The following ANKRD6 variants were observed in gnomAD, a reference collection of about 807,000 sequenced individuals.
ANKRD6 encodes ankyrin repeat domain 6.
ANKRD6 carries 56 observed loss-of-function variants against 82.3 expected under a neutral mutation model. The ratio of observed to expected loss-of-function variants is 0.68; its 90% CI spans 0.55 to 0.85. The LOEUF is 0.85. Ranked by LOEUF, ANKRD6 falls within the 40% of genes least tolerant of loss-of-function variation. The probability of loss-of-function intolerance (pLI) is 0.00; values close to 1 mark genes in which losing one functional copy is unlikely to be tolerated. For missense variants in ANKRD6, 852 were observed against 907.6 expected, an observed-to-expected ratio of 0.94 and a Z score of 0.79; for synonymous variants, 347 against 352.1, an observed-to-expected ratio of 0.99 and a Z score of 0.16.
chr6:89,616,631 G>A lies in ANKRD6; in HGVS notation c.688G>A (p.Gly230Arg), dbSNP rs373352243. ...KKVAKILLEA[G>R]ADTTIVNNAG... ...GGTGGCCAAAATCTTACTGGAAGCC[G>A]GAGCAGATACGACCATTGTTAACAA... Residue 230 changes from glycine to arginine, a missense_variant, in exon 8 of 16, where the codon GGA (glycine) becomes AGA (arginine). Physicochemically the swap from Gly to Arg is moderately radical, Grantham distance 125. Transcript: ENST00000339746. 1.6e-5 allele frequency: 26 copies of A among 1,613,924 alleles called. No homozygotes were observed. Among genetic ancestry groups the A allele is most frequent in the African/African-American group, 1.1e-4 (8 of 74,940 alleles).
chr6:89,561,017 T>G (rs991701705), intron 1 of ANKRD6: 1 of 152,184 alleles, frequency 6.6e-6, no homozygotes, highest in Non-Finnish European at 1.5e-5. Flanking sequence ...CTAGCAGTGC[T>G]GGTCAGTCAA....
At position 89,608,023 on chromosome 6, in the gene ANKRD6, G is replaced by A. The variant is rs551963727; in HGVS notation, c.417+1918G>A. 7.8e-4 allele frequency among the ~76,000 whole-genome samples: 118 copies of A among 152,136 alleles called. 1 individual carries two copies. The highest frequency in any genetic ancestry group is 2.7e-3 in the Admixed American group (42 of 15,304). On this transcript the variant is annotated intron_variant, in intron 5 of 15. Coordinates refer to ENST00000339746, the MANE Select transcript of ANKRD6 (RefSeq NM_001242809.2). The stretch of plus-strand genomic sequence containing the variant: ...CCTGACCCCGTGATCTGCCCACCTC[G>A]GCCTCCCAAAGTGTTGGGATTACAG...
intron 2 of ANKRD6, among the ~76,000 whole-genome samples, chr6:89,579,131 G>A (rs1377505169): frequency 6.6e-6 from 1 of 152,242 alleles, no homozygotes; most frequent in African/African-American, 2.4e-5. Flanking sequence ...GGATGCAGGA[G>A]CCAGGTGCTC....
At chr6:89,499,074 A>G (rs901038142) in intron 1 of ANKRD6, among the ~76,000 whole-genome samples, 7 of 152,188 alleles carry the variant, frequency 4.6e-5, no homozygotes, top group Non-Finnish European at 8.8e-5. Context: ...TCTGTAGGGA[A>G]AGGTCTCCCT....
intron 2 of ANKRD6, among the ~76,000 whole-genome samples, chr6:89,577,495 G>A (rs1219486984): frequency 6.7e-6 from 1 of 148,994 alleles, no homozygotes; most frequent in Non-Finnish European, 1.5e-5. Flanking sequence ...ACCAACAGGT[G>A]TTTTGTCATC....
intron 2 of ANKRD6, among the ~76,000 whole-genome samples, chr6:89,572,488 A>T (rs1449277187): frequency 6.6e-6 from 1 of 151,842 alleles, no homozygotes; most frequent in African/African-American, 2.4e-5. Flanking sequence ...TTGTCTTTTT[A>T]CTCTGCTGAT....
chr6:89,573,225 G>A (rs1562876184), intron 2 of ANKRD6, among the ~76,000 whole-genome samples: 1 of 152,170 alleles, frequency 6.6e-6, no homozygotes, highest in Non-Finnish European at 1.5e-5. Flanking sequence ...CTATGTAAAT[G>A]CTGCTCACTG....
intron 1 of ANKRD6, among the ~76,000 whole-genome samples, chr6:89,458,234 A>T (rs1773710678): frequency 6.6e-6 from 1 of 152,262 alleles, no homozygotes. Flanking sequence ...AGTGGAAATT[A>T]TGAGGAAAAT....
chr6:89,546,635 GTATT>G (rs1005561286), intron 1 of ANKRD6, among the ~76,000 whole-genome samples: 1 of 152,038 alleles, frequency 6.6e-6, no homozygotes, highest in African/African-American at 2.4e-5. Context: ...GGTTAATTTT[GTATT>G]TTTAGTAGAG....
chr6:89,623,598 G>T, intron 11 of ANKRD6, 54 bp downstream of exon 11: 1 of 1,549,180 alleles, frequency 6.5e-7, no homozygotes, highest in South Asian at 1.2e-5. Context: ...AGGGTGGCGA[G>T]GGTCCTGGCA....
chr6:89,573,539 C>G (rs1207298509), intron 2 of ANKRD6, among the ~76,000 whole-genome samples: 1 of 152,174 alleles, frequency 6.6e-6, no homozygotes, highest in African/African-American at 2.4e-5. Context: ...CCTTTCACCT[C>G]TCCCCTGTAT....
intron 1 of ANKRD6, chr6:89,562,866 A>T (rs769586290): frequency 2.0e-5 from 3 of 152,210 alleles, no homozygotes; most frequent in Non-Finnish European, 2.9e-5. Context: ...GAAACTGAAC[A>T]CGATGTAGAA....
intron 1 of ANKRD6, among the ~76,000 whole-genome samples, chr6:89,438,972 A>G (rs566258323): frequency 6.6e-6 from 1 of 151,876 alleles, no homozygotes; most frequent in Non-Finnish European, 1.5e-5. Context: ...ATATATGTGT[A>G]TATGTATATA....
chr6:89,550,856 T>G (rs1374788693), intron 1 of ANKRD6, among the ~76,000 whole-genome samples: 1 of 152,066 alleles, frequency 6.6e-6, no homozygotes, highest in Non-Finnish European at 1.5e-5. Flanking sequence ...CTTGGGAGGC[T>G]GAGGCAGGAG....
chr6:89,577,493 G>A (rs918441001), intron 2 of ANKRD6, among the ~76,000 whole-genome samples: 8 of 150,060 alleles, frequency 5.3e-5, no homozygotes, highest in Middle Eastern at 3.2e-3. Flanking sequence ...GTACCAACAG[G>A]TGTTTTGTCA....
intron 7 of ANKRD6, among the ~76,000 whole-genome samples, chr6:89,615,727 G>A (rs1583807467): frequency 6.6e-6 from 1 of 151,932 alleles, no homozygotes; most frequent in Admixed American, 6.6e-5. Context: ...AGTATCAGGC[G>A]CTTTGCCTGA....
At chr6:89,596,159 A>G (rs1036435842) in intron 3 of ANKRD6, 145 bp downstream of exon 3, 5 of 716,834 alleles carry the variant, frequency 7.0e-6, no homozygotes, top group Admixed American at 2.2e-5. Flanking sequence ...TGTGGCAGCA[A>G]GAACTTCCTC....
intron 1 of ANKRD6, among the ~76,000 whole-genome samples, chr6:89,498,526 A>T (rs56823474): frequency 0.074 from 9,923 of 134,174 alleles, 728 homozygotes; most frequent in East Asian, 0.37. Flanking sequence ...ATATATATAT[A>T]TTTTTTTTTA....
rs1774939639 is a variant in ANKRD6, at chr6:89,467,157, CAT to C, written c.-144+33784_-144+33785del. On this transcript the variant is annotated intron_variant, in intron 1 of 15. Transcript: ENST00000339746. ...AGGAGTTCAAGTCTAGCCTGGGCAA[CAT>C]AGCGAGACCCTGTCTCCTAATTAAA... Among the ~76,000 whole-genome samples, 5 of 150,814 alleles carry C rather than the reference CAT, an allele frequency of 3.3e-5. 1 individual carries two copies. Among genetic ancestry groups the C allele is most frequent in the African/African-American group, 1.2e-4 (5 of 41,058 alleles).
Sources: allele counts gnomAD v4.1 joint callset (sites outside exome capture counted in the v4.1 genomes callset), GRCh38; gene constraint gnomAD v4.1.1; transcripts MANE v1.5; gene names NCBI Gene and HGNC (gene_info 2026-07-23, HGNC 2026-07-21).